Variants in SYNE1 observed in about 807,000 individuals in gnomAD.
The protein encoded by SYNE1 is spectrin repeat containing nuclear envelope protein 1, also known as nesprin-1.
A neutral mutation model predicts 1,111.0 loss-of-function variants in SYNE1; 616 were observed. The ratio of observed to expected loss-of-function variants is 0.55; its 90% CI spans 0.52 to 0.59. The LOEUF (loss-of-function observed/expected upper bound fraction) is 0.59, where lower values mean the gene tolerates loss of function less well. Ranked by LOEUF, SYNE1 falls within the 20% of genes least tolerant of loss-of-function variation. SYNE1 has a pLI of 0.00. For missense variants in SYNE1, 10,006 were observed against 10,417.0 expected (o/e 0.96, Z 1.72); for synonymous variants, 3,855 against 3,825.8 (o/e 1.01, Z -0.28).
Position 152,353,585 on chromosome 6 carries a change from T to C in SYNE1, c.11082+4A>G. 1 of 1,614,230 alleles carries C rather than the reference T, an allele frequency of 6.2e-7. No homozygotes were observed. The highest frequency in any genetic ancestry group is 2.2e-5 in the East Asian group (1 of 44,874). On this transcript the variant is annotated splice_donor_region_variant and intron_variant, in intron 68 of 145. Transcript: ENST00000367255. Reference sequence around the variant, plus strand: ...CTATGCTGAGCACCTGGTGACCCACTCACCAGCACTTGGAGAAGCAGGGCC... The same window carrying C: ...CTATGCTGAGCACCTGGTGACCCACCCACCAGCACTTGGAGAAGCAGGGCC...
In SYNE1 at chr6:152,316,853, T is replaced by G. The variant is rs1227595641; in HGVS notation, c.16706A>C (p.His5569Pro). Reference sequence around the variant, plus strand: ...GATTATTTTTCCTAAGGTTACCTGATGCAAAATATATTGTTCCCGAAGCTG... The same window carrying G: ...GATTATTTTTCCTAAGGTTACCTGAGGCAAAATATATTGTTCCCGAAGCTG... ...ASQLREQYIL[H>P]QTLLEESKEI... The change falls in exon 87 of 146, where the codon CAT becomes CCT. Residue 5569 changes from histidine (H) to proline (P), a missense_variant. Physicochemically the swap from His to Pro is moderately conservative, Grantham distance 77. Around this residue, in one of 7 missense-constraint regions of SYNE1, gnomAD observed 4,955 missense variants for 5,017.2 expected, o/e 0.99. Transcript: ENST00000367255. The G allele has an allele frequency of 6.2e-7, 1 of 1,614,152 alleles. No homozygotes were observed. Among genetic ancestry groups the G allele is most frequent in the Non-Finnish European group, 8.5e-7 (1 of 1,180,016 alleles).
At chr6:152,202,372 A>AAAC (rs2075671280) in intron 126 of SYNE1, among the ~76,000 whole-genome samples, 1 of 28,116 alleles carries the variant, frequency 3.6e-5, no homozygotes, top group African/African-American at 1.8e-4. Context: ...AAAAAAAAGC[A>AAAC]AAAAAAAAAA....
intron 142 of SYNE1, chr6:152,133,895 GAA>G (rs34524875): frequency 1.2e-5 from 2 of 165,698 alleles, no homozygotes; most frequent in South Asian, 1.3e-4. Context: ...GTCAAGATTT[GAA>G]AAAAAAAAGG....
chr6:152,412,411 G>C (rs376798886), intron 42 of SYNE1, among the ~76,000 whole-genome samples: 85 of 147,068 alleles, frequency 5.8e-4, no homozygotes, highest in African/African-American at 2.1e-3. Flanking sequence ...GCGACAGAGC[G>C]AGACTCCGTC....
chr6:152,548,075 T>C (rs1036570839), intron 3 of SYNE1, among the ~76,000 whole-genome samples: 3 of 152,194 alleles, frequency 2.0e-5, no homozygotes, highest in East Asian at 1.9e-4. Flanking sequence ...TAGTGCCCAG[T>C]TGACCTTCTC....
intron 3 of SYNE1, chr6:152,545,923 T>G (rs2099310259): frequency 6.6e-6 from 1 of 152,188 alleles, no homozygotes; most frequent in Admixed American, 6.5e-5. Context: ...TTTCATCATT[T>G]TCATTGCAGG....
intron 108 of SYNE1, among the ~76,000 whole-genome samples, chr6:152,237,869 C>T (rs939116133): frequency 2.6e-5 from 4 of 151,974 alleles, no homozygotes; most frequent in East Asian, 3.8e-4. Flanking sequence ...CAGTAATTTA[C>T]GCTGTGGGTC....
intron 129 of SYNE1, 151 bp downstream of exon 129, chr6:152,179,985 A>G (rs755754467): frequency 2.3e-5 from 21 of 913,022 alleles, no homozygotes; most frequent in Non-Finnish European, 3.3e-5. Flanking sequence ...GCCCAGCTGC[A>G]AGTTTATTTT....
In SYNE1 at chr6:152,609,413, TGGA is replaced by T. The variant is rs1423328597; in HGVS notation, c.67+18849_67+18851del. Among the ~76,000 whole-genome samples the T allele has an allele frequency of 3.9e-5, 6 of 152,250 alleles. No homozygotes were observed. In the East Asian group the frequency reaches 1.2e-3, roughly 30 times the overall value. On this transcript the variant is annotated intron_variant, in intron 3 of 145. Transcript: ENST00000367255. Reference sequence around the variant, plus strand: ...TTGAACTGTGAGGCAGCAGCCTGGCTGGAGGAGGAGTGTTCGCCATTGCTGAGG... The same window carrying T: ...TTGAACTGTGAGGCAGCAGCCTGGCTGGAGGAGTGTTCGCCATTGCTGAGG...
At chr6:152,557,161 GA>G (rs1288607174) in intron 3 of SYNE1, among the ~76,000 whole-genome samples, 1 of 151,788 alleles carries the variant, frequency 6.6e-6, no homozygotes, top group Admixed American at 6.6e-5. Flanking sequence ...CACAATAACT[GA>G]ACTGAAAAAA....
chr6:152,612,658 G>A (rs1302341570), intron 3 of SYNE1, among the ~76,000 whole-genome samples: 1 of 152,034 alleles, frequency 6.6e-6, no homozygotes, highest in East Asian at 1.9e-4. Flanking sequence ...ATGAGTCTGG[G>A]ATCATCCTGA....
At position 152,577,948 on chromosome 6, in the gene SYNE1, C is replaced by T. The variant is rs537650930; in HGVS notation, c.68-37927G>A. Among the ~76,000 whole-genome samples, 47 of 152,256 alleles carry T rather than the reference C, an allele frequency of 3.1e-4. No individual in the cohort carries two copies. The South Asian group carries it at 9.7e-3, about 32-fold the overall frequency. On this transcript the variant is annotated intron_variant, in intron 3 of 145. Transcript: ENST00000367255. ...CTTGGAATAACAAACTCCACATCTT[C>T]TCTACATCCTGCATTTTTCCCTGTA... is the stretch of plus-strand genomic sequence containing the variant.
In SYNE1 at chr6:152,207,873, G is replaced by A. The variant is rs1222533923; in HGVS notation, c.22824+99C>T. On this transcript the variant is annotated intron_variant, in intron 125 of 145. Coordinates refer to ENST00000367255, the MANE Select transcript of SYNE1 (RefSeq NM_182961.4). Reference sequence around the variant, plus strand: ...TTTGAGAACAATGTTTGTCCCAGCTGCAATGTCACTCTAGAGTCCTTTTGA... The same window carrying A: ...TTTGAGAACAATGTTTGTCCCAGCTACAATGTCACTCTAGAGTCCTTTTGA... The A allele has an allele frequency of 3.7e-6, 4 of 1,089,996 alleles. No homozygotes were observed. In the African/African-American group the frequency reaches 4.6e-5, roughly 13 times the overall value. The allele number at this position is 1,089,996 out of a possible 1,614,324, so 67.5% of individuals were successfully genotyped here. A position where few individuals can be genotyped will look rare whatever the true frequency, so the allele number is the denominator to read the frequency against.
intron 2 of SYNE1, among the ~76,000 whole-genome samples, chr6:152,629,971 C>T (rs748263226): frequency 6.6e-6 from 1 of 151,988 alleles, no homozygotes; most frequent in Non-Finnish European, 1.5e-5. Flanking sequence ...GGATTATAGT[C>T]CATAAAAGGA....
intron 81 of SYNE1, 26 bp downstream of exon 81, chr6:152,325,058 G>A (rs2096019634): frequency 6.8e-6 from 11 of 1,611,256 alleles, no homozygotes; most frequent in Non-Finnish European, 9.3e-6. Flanking sequence ...GGAAAGAAAG[G>A]TGAGCCCATG....
In SYNE1 at chr6:152,149,582, G is replaced by T. The variant is rs1054467800; in HGVS notation, c.24537C>A (p.Pro8179=). The part of the protein sequence containing the change: ...QGEQLIEKSE[P]LDAAIIEEEL... ...CCTCCTCGATGATCGCTGCATCCAAGGGCTCACTCTTTTCTATCAGCTGTT... is the reference window on the plus strand; with the variant it reads ...CCTCCTCGATGATCGCTGCATCCAATGGCTCACTCTTTTCTATCAGCTGTT... Residue 8179 remains proline, a synonymous_variant, in exon 136 of 146, where the codon CCC becomes CCA. Transcript: ENST00000367255. 3.1e-6 allele frequency: 5 copies of T among 1,613,980 alleles called. No individual in the cohort carries two copies. The African/African-American group carries it at 6.7e-5, about 22-fold the overall frequency.
intron 127 of SYNE1, among the ~76,000 whole-genome samples, chr6:152,194,901 T>C (rs2635461): frequency 0.093 from 14,093 of 152,102 alleles, 826 homozygotes; most frequent in African/African-American, 0.12. Context: ...ATTCATTCTG[T>C]GTTTTCTTAC....
At chr6:152,626,310 C>T (rs2099685639) in intron 3 of SYNE1, among the ~76,000 whole-genome samples, 1 of 152,092 alleles carries the variant, frequency 6.6e-6, no homozygotes. Context: ...AGAATGTTCA[C>T]ATCTAATATA....
intron 128 of SYNE1, among the ~76,000 whole-genome samples, chr6:152,183,504 G>C (rs537115739): frequency 5.3e-5 from 8 of 152,254 alleles, no homozygotes; most frequent in African/African-American, 1.9e-4. Flanking sequence ...GGGAGGCTGA[G>C]GCAGGAGAAT....
Sources: allele counts gnomAD v4.1 joint callset (sites outside exome capture counted in the v4.1 genomes callset), GRCh38; gene constraint gnomAD v4.1.1; regional missense constraint gnomAD v4.1.1; transcripts MANE v1.5; gene names NCBI Gene and HGNC (gene_info 2026-07-23, HGNC 2026-07-21).